TULP4: variants seen among roughly 807,000 people sequenced by gnomAD.
The protein encoded by TULP4 is TUB like protein 4.
In TULP4, 16 loss-of-function variants were observed where a neutral mutation model predicts 129.0. The ratio of observed to expected loss-of-function variants is 0.12; its 90% CI spans 0.08 to 0.19. The LOEUF (loss-of-function observed/expected upper bound fraction) is 0.19, where lower values mean the gene tolerates loss of function less well. Among genes scored for constraint, TULP4 ranks in the 10% least tolerant of loss-of-function variants. TULP4 has a pLI of 1.00. For synonymous variants in TULP4, 998 were observed against 854.0 expected, an observed-to-expected ratio of 1.17 and a Z score of -2.94; for missense variants, 1,842 against 2,059.1, an observed-to-expected ratio of 0.89 and a Z score of 2.04.
At chr6:158,329,545 A>G (rs1185769460) in intron 1 of TULP4, among the ~76,000 whole-genome samples, 1 of 152,132 alleles carries the variant, frequency 6.6e-6, no homozygotes, top group Non-Finnish European at 1.5e-5. Context: ...GGTAGCAGAA[A>G]TAAATGTTTG....
rs115206460 is a variant in TULP4, at chr6:158,489,223, G to A, written c.1487-365G>A. Among the ~76,000 whole-genome samples the A allele has an allele frequency of 6.5e-3, 983 of 152,290 alleles. 13 individuals carry two copies. The highest frequency in any genetic ancestry group is 0.023 in the African/African-American group (942 of 41,554). On this transcript the variant is annotated intron_variant, in intron 8 of 13. Transcript: ENST00000367097. ...GGTTCTCAGGGGAATCAGTGAGCCCGCAAGACCCTCAGCCCAGGTTCTGTG... is the reference window on the plus strand; with the variant it reads ...GGTTCTCAGGGGAATCAGTGAGCCCACAAGACCCTCAGCCCAGGTTCTGTG...
intron 1 of TULP4, among the ~76,000 whole-genome samples, chr6:158,298,983 G>A (rs1779087411): frequency 6.6e-6 from 1 of 152,210 alleles, no homozygotes; most frequent in Admixed American, 6.5e-5. Flanking sequence ...ATTTATCATG[G>A]AGTTCAGAAT....
chr6:158,444,603 A>G (rs1778989519), intron 3 of TULP4, among the ~76,000 whole-genome samples: 1 of 152,180 alleles, frequency 6.6e-6, no homozygotes, highest in Non-Finnish European at 1.5e-5. Context: ...GGGTCCAAAG[A>G]CAAAGGTACT....
chr6:158,239,255 C>T (rs1257953136), intron 1 of TULP4, among the ~76,000 whole-genome samples: 1 of 65,350 alleles, frequency 1.5e-5, no homozygotes, highest in African/African-American at 6.1e-5. Context: ...ACCTCCCTCC[C>T]GGACCGGGCG....
At chr6:158,407,037 CAACT>C (rs1405095877) in intron 1 of TULP4, among the ~76,000 whole-genome samples, 1 of 152,150 alleles carries the variant, frequency 6.6e-6, no homozygotes, top group Non-Finnish European at 1.5e-5. Flanking sequence ...TCTTGCCAAC[CAACT>C]GAGATTAACT....
At chr6:158,364,454 A>G (rs946125566) in intron 1 of TULP4, among the ~76,000 whole-genome samples, 6 of 152,318 alleles carry the variant, frequency 3.9e-5, no homozygotes, top group Non-Finnish European at 8.8e-5. Context: ...TTCTTAGAGT[A>G]ACTATCTATA....
chr6:158,480,702 T>C (rs1413727888), intron 7 of TULP4, among the ~76,000 whole-genome samples: 4 of 152,070 alleles, frequency 2.6e-5, no homozygotes, highest in Non-Finnish European at 4.4e-5. Flanking sequence ...TGTTTTTTTT[T>C]CCTAAGTTGC....
At chr6:158,481,443 C>G (rs1779943380) in intron 8 of TULP4, 154 bp downstream of exon 8, 11 of 705,292 alleles carry the variant, frequency 1.6e-5, no homozygotes, top group Non-Finnish European at 2.8e-5. Flanking sequence ...TTTCCAGAAT[C>G]CCATTGAAAT....
intron 8 of TULP4, among the ~76,000 whole-genome samples, chr6:158,487,888 G>C (rs529185511): frequency 6.6e-6 from 1 of 152,358 alleles, no homozygotes; most frequent in Non-Finnish European, 1.5e-5. Context: ...TATTGTTCTA[G>C]TCTCTGGGGT....
chr6:158,452,706 G>C (rs1348771706), intron 5 of TULP4, among the ~76,000 whole-genome samples: 1 of 152,192 alleles, frequency 6.6e-6, no homozygotes, highest in Non-Finnish European at 1.5e-5. Flanking sequence ...GATCATCACT[G>C]TGCGATAAAG....
chr6:158,429,743 A>T lies in TULP4; in HGVS notation c.389A>T (p.Asp130Val), dbSNP rs1307414440. 6.2e-7 allele frequency: 1 copy of T among 1,611,570 alleles called. No homozygotes were observed. Among genetic ancestry groups the T allele is most frequent in the Non-Finnish European group, 8.5e-7 (1 of 1,178,912 alleles). Reference protein sequence around the residue: ...LVNDRGAQVSDFTWSHDGTQA... With the variant: ...LVNDRGAQVSVFTWSHDGTQA... ...TCTGTGTGTGTCCCCAAGGTGAGTG[A>T]TTTCACGTGGAGCCATGATGGAACT... Residue 130 changes from aspartate (D) to valine (V), a missense_variant, in exon 3 of 14, where the codon GAT (aspartate) becomes GTT (valine). Transcript: ENST00000367097.
At position 158,313,753 on chromosome 6, in the gene TULP4, A is replaced by T. The variant is rs775795419; in HGVS notation, c.-264A>T. The T allele has an allele frequency of 6.8e-5, 35 of 512,678 alleles. No individual in the cohort carries two copies. The highest frequency in any genetic ancestry group is 1.1e-4 in the Non-Finnish European group (31 of 293,986). 31.8% of individuals were successfully genotyped at this position (512,678 alleles called of 1,614,324 possible). A position where few individuals can be genotyped will look rare whatever the true frequency, so the allele number is the denominator to read the frequency against. ...CACGTTCTTCCTCTGAGAACTTGAA[A>T]ATACAAATGGACCCCATGTTTTTTT... On this transcript the variant is annotated 5_prime_UTR_variant, in exon 1 of 14. Transcript: ENST00000367097.
chr6:158,270,382 C>T (rs190520251), intron 1 of TULP4, among the ~76,000 whole-genome samples: 56 of 152,264 alleles, frequency 3.7e-4, no homozygotes, highest in Middle Eastern at 6.8e-3. Flanking sequence ...TTTTTTGGCT[C>T]TTGATTACAG....
At chr6:158,271,318 C>T (rs1778542296) in intron 1 of TULP4, among the ~76,000 whole-genome samples, 1 of 152,050 alleles carries the variant, frequency 6.6e-6, no homozygotes, top group Admixed American at 6.6e-5. Flanking sequence ...CAAAATAGGT[C>T]CAGCTTCCTC....
intron 5 of TULP4, among the ~76,000 whole-genome samples, chr6:158,453,572 C>G (rs538561722): frequency 2.7e-5 from 4 of 149,092 alleles, no homozygotes; most frequent in Middle Eastern, 3.6e-3. Flanking sequence ...GGGCAGATCA[C>G]GAGGTCAGGA....
intron 1 of TULP4, among the ~76,000 whole-genome samples, chr6:158,288,649 C>T (rs954823555): frequency 1.3e-5 from 2 of 152,042 alleles, no homozygotes; most frequent in South Asian, 2.1e-4. Flanking sequence ...TACAGGCACC[C>T]GCCACCACGC....
chr6:158,319,416 C>T (rs77114759), intron 1 of TULP4, among the ~76,000 whole-genome samples: 1 of 29,166 alleles, frequency 3.4e-5, no homozygotes, highest in Non-Finnish European at 9.7e-5. Context: ...TCATCTCTGC[C>T]CTTACCTTAT....
At chr6:158,382,549 A>G (rs1161304760) in intron 1 of TULP4, among the ~76,000 whole-genome samples, 2 of 152,180 alleles carry the variant, frequency 1.3e-5, no homozygotes, top group Non-Finnish European at 2.9e-5. Context: ...TGGGGATTGA[A>G]TCCTTGGCTT....
chr6:158,248,530 A>G (rs1030542271), intron 1 of TULP4, among the ~76,000 whole-genome samples: 12 of 152,088 alleles, frequency 7.9e-5, no homozygotes, highest in African/African-American at 2.9e-4. Flanking sequence ...CGGCCTCCCA[A>G]AGTGCTGGGA....
Sources: gnomAD v4.1 joint callset for allele counts (sites outside exome capture counted in the v4.1 genomes callset) on GRCh38, gnomAD v4.1.1 for gene constraint, MANE v1.5 for transcripts, NCBI Gene and HGNC (gene_info 2026-07-23, HGNC 2026-07-21) for gene names.